The following KPNA7 variants were observed in gnomAD, a reference collection of about 807,000 sequenced individuals.
KPNA7 encodes importin subunit alpha-8.
Under a neutral mutation model 53.7 loss-of-function variants are expected in KPNA7, and 54 were observed. The ratio of observed to expected loss-of-function variants is 1.01; its 90% CI spans 0.81 to 1.26. The LOEUF is 1.26. KPNA7 is among the 50% of genes most tolerant of loss of function. KPNA7 has a pLI of 0.00. For synonymous variants in KPNA7, 276 were observed against 259.3 expected (o/e 1.06, Z -0.62); for missense variants, 640 against 644.5 (o/e 0.99, Z 0.07).
At chr7:99,193,670 A>AT (rs71515265) in intron 5 of KPNA7, among the ~76,000 whole-genome samples, 8,101 of 144,448 alleles carry the variant, frequency 0.056, 229 homozygotes, top group East Asian at 0.13. Context: ...GCAGCCTTTT[A>AT]TTTTTTTTTT....
the KPNA7 span, among the ~76,000 whole-genome samples, chr7:99,158,867 C>A: frequency 6.7e-6 from 1 of 149,094 alleles, no homozygotes; most frequent in Non-Finnish European, 1.5e-5. Flanking sequence ...TAAACAGCAT[C>A]TTTTTTTTTT....
Position 99,207,461 on chromosome 7 carries a change from C to T in KPNA7, c.6G>A (p.Pro2=), listed in dbSNP as rs368261288. 1.9e-4 allele frequency: 294 copies of T among 1,551,004 alleles called. No individual in the cohort carries two copies. The highest frequency in any genetic ancestry group is 3.3e-4 in the Middle Eastern group (2 of 6,012). The part of the protein sequence containing the change: M[P]TLDAPEERRR... ...GCCTCTCTTCTGGAGCATCTAAGGT[C>T]GGCATATTGACTGGAAGTAGTAAGT... Residue 2 remains proline (P), a synonymous_variant, in exon 2 of 11, where the codon CCG becomes CCA. Transcript: ENST00000327442.
intron 1 of KPNA7, among the ~76,000 whole-genome samples, chr7:99,216,684 C>G (rs902866596): frequency 6.6e-6 from 1 of 152,210 alleles, no homozygotes; most frequent in African/African-American, 2.4e-5. Context: ...GCCTCAGCCC[C>G]CTGAGTAGCT....
At chr7:99,198,331 G>T (rs569230913) in intron 3 of KPNA7, among the ~76,000 whole-genome samples, 4 of 152,080 alleles carry the variant, frequency 2.6e-5, no homozygotes, top group African/African-American at 9.7e-5. Flanking sequence ...TACAAGAAAA[G>T]TATAAGCTAA....
At chr7:99,170,436 T>C (rs1225387093), downstream of KPNA7, among the ~76,000 whole-genome samples, 1 of 150,104 alleles carries the variant, frequency 6.7e-6, no homozygotes, top group East Asian at 2.0e-4. Flanking sequence ...AAATAGAGAA[T>C]GGGACAAGAA....
chr7:99,202,420 C>A (rs1790583707), intron 3 of KPNA7, among the ~76,000 whole-genome samples: 1 of 152,132 alleles, frequency 6.6e-6, no homozygotes, highest in Non-Finnish European at 1.5e-5. Flanking sequence ...GAAGACAGGA[C>A]AGAAGTCAAA....
At position 99,188,357 on chromosome 7, in the gene KPNA7, G is replaced by A. The variant is rs1273155238; in HGVS notation, c.843C>T (p.Asn281=). The A allele has an allele frequency of 2.6e-6, 4 of 1,551,456 alleles. No individual in the cohort carries two copies. In the African/African-American group the frequency reaches 4.1e-5, roughly 16 times the overall value. ...GSNKRIGQVV[N]TGVLPRLVVL... The stretch of plus-strand genomic sequence containing the variant: ...CTACCAGCCTGGGCAGGACCCCCGT[G>A]TTAACCACTTGGCCGATGCGCTTGT... Residue 281 remains asparagine, a synonymous_variant, in exon 7 of 11, where the codon AAC becomes AAT. Transcript: ENST00000327442.
chr7:99,190,729 C>T (rs1789906201), intron 6 of KPNA7, among the ~76,000 whole-genome samples: 1 of 151,328 alleles, frequency 6.6e-6, no homozygotes, highest in Admixed American at 6.6e-5. Context: ...AATCACAGCT[C>T]ACTGCAGCCT....
chr7:99,150,754 T>C, the KPNA7 span, among the ~76,000 whole-genome samples: 1 of 152,120 alleles, frequency 6.6e-6, no homozygotes, highest in Admixed American at 6.5e-5. Flanking sequence ...GGGATTTGAG[T>C]GCCCAGCTCT....
intron 1 of KPNA7, among the ~76,000 whole-genome samples, chr7:99,215,083 G>A (rs1791181648): frequency 1.3e-5 from 2 of 151,932 alleles, no homozygotes; most frequent in South Asian, 4.2e-4. Flanking sequence ...GGAAGCCATG[G>A]CTATTAGAAA....
rs1223926512 is a variant in KPNA7, at chr7:99,195,313, G to A, written c.310C>T (p.Pro104Ser). Reference sequence around the variant, plus strand: ...GCTTCAATGACCAGTTTCAGAGGGGGGTTCTTTTCCTGGGATAGCATTTTC... The same window carrying A: ...GCTTCAATGACCAGTTTCAGAGGGGAGTTCTTTTCCTGGGATAGCATTTTC... ...ARKMLSQEKN[P>S]PLKLVIEAGL... The change falls in exon 5 of 11, where the codon CCC (proline) becomes TCC (serine). Residue 104 changes from proline (P) to serine (S), a missense_variant. Pro to Ser is a moderately conservative substitution (Grantham distance 74, BLOSUM62 -1). Transcript: ENST00000327442. 18 of 1,551,414 alleles carry A rather than the reference G, an allele frequency of 1.2e-5. No individual in the cohort carries two copies. The highest frequency in any genetic ancestry group is 1.4e-5 in the Non-Finnish European group (16 of 1,146,936).
At chr7:99,207,357 T>A (rs1329408048) in intron 2 of KPNA7, 44 bp downstream of exon 2, 9 of 1,519,128 alleles carry the variant, frequency 5.9e-6, no homozygotes, top group Non-Finnish European at 8.1e-6. Context: ...TTTATGCAGA[T>A]TGCACTGGTC....
intron 2 of KPNA7, 33 bp downstream of exon 2, chr7:99,207,368 C>G (rs1215132779): frequency 1.3e-6 from 2 of 1,541,610 alleles, no homozygotes; most frequent in African/African-American, 2.8e-5. Context: ...TGCACTGGTC[C>G]CCAATAGAAG....
chr7:99,213,346 T>C (rs920349329), intron 1 of KPNA7, among the ~76,000 whole-genome samples: 1 of 147,174 alleles, frequency 6.8e-6, no homozygotes, highest in South Asian at 2.1e-4. Flanking sequence ...GCCAGGATGG[T>C]CTCAAACTCT....
chr7:99,184,158 T>TA (rs1789445144), intron 8 of KPNA7, among the ~76,000 whole-genome samples: 1 of 148,126 alleles, frequency 6.8e-6, no homozygotes, highest in East Asian at 2.0e-4. Flanking sequence ...CACAACCTTT[T>TA]TTTTTTTTTT....
At chr7:99,157,438 A>G in the KPNA7 span, among the ~76,000 whole-genome samples, 2 of 152,042 alleles carry the variant, frequency 1.3e-5, no homozygotes, top group Non-Finnish European at 2.9e-5. Context: ...TGAACTCCCA[A>G]CCTCAGGTGA....
chr7:99,191,246 C>G (rs1584289538), intron 6 of KPNA7, among the ~76,000 whole-genome samples: 1 of 151,748 alleles, frequency 6.6e-6, no homozygotes, highest in South Asian at 2.1e-4. Context: ...CAACCTCCAC[C>G]TCCCAGGTTC....
In KPNA7 at chr7:99,181,965, A is replaced by G. The variant is rs1789270579; in HGVS notation, c.1235T>C (p.Leu412Pro). The change falls in exon 9 of 11, where the codon CTG (leucine) becomes CCG (proline). Residue 412 changes from leucine to proline, a missense_variant. Physicochemically the swap from Leu to Pro is moderately conservative, Grantham distance 98. Coordinates refer to ENST00000327442, the MANE Select transcript of KPNA7 (RefSeq NM_001145715.3). Reference protein sequence around the residue: ...QLIQLVHSGVLEPLVNLLTAP... With the variant: ...QLIQLVHSGVPEPLVNLLTAP... ...AGTGAGCAGATTCACCAGTGGCTCC[A>G]GGACCCCAGAGTGGACGAGCTGGAT... The G allele has an allele frequency of 1.9e-6, 3 of 1,551,374 alleles. No individual in the cohort carries two copies.
At chr7:99,172,763 A>G (rs917340018), downstream of KPNA7, among the ~76,000 whole-genome samples, 2 of 152,036 alleles carry the variant, frequency 1.3e-5, no homozygotes, top group African/African-American at 4.8e-5. Context: ...TGTATCTGCA[A>G]GTCGAAGTCT....
Sources: gnomAD v4.1 joint callset for allele counts (sites outside exome capture counted in the v4.1 genomes callset) on GRCh38, gnomAD v4.1.1 for gene constraint, MANE v1.5 for transcripts, NCBI Gene and HGNC (gene_info 2026-07-23, HGNC 2026-07-21) for gene names.